The following PTPRD variants were observed in gnomAD, a reference collection of about 807,000 sequenced individuals.
PTPRD encodes protein tyrosine phosphatase receptor type D, also known as receptor-type tyrosine-protein phosphatase delta.
A neutral mutation model predicts 214.5 loss-of-function variants in PTPRD; 34 were observed. That is an observed-to-expected ratio of 0.16 (90% CI 0.12 to 0.21). PTPRD has a LOEUF of 0.21. Among genes scored for constraint, PTPRD ranks in the 10% least tolerant of loss-of-function variants. The pLI, the probability that PTPRD is intolerant of heterozygous loss-of-function variation, is 1.00. For synonymous variants in PTPRD, 1,128 were observed against 845.7 expected, an observed-to-expected ratio of 1.33 and a Z score of -5.79; for missense variants, 2,545 against 2,398.7, an observed-to-expected ratio of 1.06 and a Z score of -1.27.
intron 36 of PTPRD, among the ~76,000 whole-genome samples, chr9:8,399,696 T>C (rs530230218): frequency 6.6e-6 from 1 of 152,278 alleles, no homozygotes; most frequent in African/African-American, 2.4e-5. Flanking sequence ...AAAATGTGTA[T>C]TTGAAAATTC....
intron 4 of PTPRD, among the ~76,000 whole-genome samples, chr9:9,982,548 G>A (rs972296817): frequency 2.6e-5 from 4 of 150,956 alleles, no homozygotes; most frequent in Middle Eastern, 3.4e-3. Context: ...TCTTATTTAT[G>A]ATCACAGAAA....
In PTPRD at chr9:8,499,855, T is replaced by C. The variant is rs1165184778; in HGVS notation, c.2129-15A>G. On this transcript the variant is annotated splice_polypyrimidine_tract_variant and intron_variant, in intron 24 of 45. Coordinates refer to ENST00000381196, the MANE Select transcript of PTPRD (RefSeq NM_002839.4). ...ACCACTAGGAACTGGAACAACATCATTGGATAAAAGAAATTATAGGCACTT... is the reference window on the plus strand; with the variant it reads ...ACCACTAGGAACTGGAACAACATCACTGGATAAAAGAAATTATAGGCACTT... The C allele has an allele frequency of 7.5e-6, 12 of 1,592,008 alleles. No homozygotes were observed. The highest frequency in any genetic ancestry group is 2.3e-5 in the East Asian group (1 of 44,342).
At chr9:10,046,427 A>C (rs527590419) in intron 3 of PTPRD, among the ~76,000 whole-genome samples, 1 of 151,978 alleles carries the variant, frequency 6.6e-6, no homozygotes, top group African/African-American at 2.4e-5. Flanking sequence ...AAAAATATGG[A>C]CGTTTAAAAC....
At chr9:9,746,586 G>T (rs2098460404) in intron 6 of PTPRD, among the ~76,000 whole-genome samples, 1 of 152,130 alleles carries the variant, frequency 6.6e-6, no homozygotes, top group South Asian at 2.1e-4. Context: ...CACTAAATTG[G>T]CATAATTTAT....
intron 44 of PTPRD, among the ~76,000 whole-genome samples, chr9:8,322,954 A>G (rs1563906750): frequency 6.6e-6 from 1 of 152,174 alleles, no homozygotes; most frequent in Non-Finnish European, 1.5e-5. Context: ...TACACTAAAT[A>G]TACTCAAGTG....
chr9:8,773,065 C>T (rs1047522968), intron 11 of PTPRD, among the ~76,000 whole-genome samples: 1 of 152,116 alleles, frequency 6.6e-6, no homozygotes, highest in East Asian at 1.9e-4. Flanking sequence ...TACTGAATGG[C>T]CTATGAATTA....
At chr9:9,966,347 AT>A (rs2094699108) in intron 4 of PTPRD, among the ~76,000 whole-genome samples, 1 of 152,100 alleles carries the variant, frequency 6.6e-6, no homozygotes, top group Non-Finnish European at 1.5e-5. Flanking sequence ...CCTCGTGATT[AT>A]TTTTCTTTTT....
At chr9:10,608,120 T>C (rs1376403705) in intron 2 of PTPRD, among the ~76,000 whole-genome samples, 7 of 151,972 alleles carry the variant, frequency 4.6e-5, no homozygotes, top group Non-Finnish European at 1.0e-4. Flanking sequence ...TCTACATGTA[T>C]GTAAGGAATA....
At chr9:9,927,933 C>G (rs142117851) in intron 5 of PTPRD, among the ~76,000 whole-genome samples, 3 of 152,180 alleles carry the variant, frequency 2.0e-5, no homozygotes, top group African/African-American at 7.2e-5. Flanking sequence ...TCAGATTTTA[C>G]TACATATTGT....
intron 11 of PTPRD, among the ~76,000 whole-genome samples, chr9:8,984,048 T>C (rs180754767): frequency 1.3e-5 from 2 of 152,228 alleles, no homozygotes; most frequent in African/African-American, 4.8e-5. Flanking sequence ...GTATATTTAG[T>C]ATGTGTGTTT....
chr9:10,267,910 A>C (rs1199791451), intron 3 of PTPRD, among the ~76,000 whole-genome samples: 2 of 152,130 alleles, frequency 1.3e-5, no homozygotes, highest in African/African-American at 2.4e-5. Context: ...CACATATCTA[A>C]TGATCTTGTT....
intron 3 of PTPRD, among the ~76,000 whole-genome samples, chr9:10,074,965 C>T (rs556754847): frequency 6.6e-6 from 1 of 152,146 alleles, no homozygotes; most frequent in African/African-American, 2.4e-5. Flanking sequence ...TTTAGGTGTC[C>T]TTTCCTTTCA....
chr9:8,716,604 C>G (rs1003881130), intron 12 of PTPRD, among the ~76,000 whole-genome samples: 2 of 129,020 alleles, frequency 1.6e-5, no homozygotes, highest in East Asian at 1.9e-4. Flanking sequence ...GATGTACTTC[C>G]TTTAGCCTCA....
chr9:10,591,843 C>G (rs1369532681), intron 2 of PTPRD, among the ~76,000 whole-genome samples: 1 of 152,028 alleles, frequency 6.6e-6, no homozygotes, highest in Non-Finnish European at 1.5e-5. Flanking sequence ...ACAGGCAGCC[C>G]TAGCAAGCCC....
At chr9:8,558,660 C>A (rs1341426177) in intron 14 of PTPRD, among the ~76,000 whole-genome samples, 1 of 152,274 alleles carries the variant, frequency 6.6e-6, no homozygotes, top group Non-Finnish European at 1.5e-5. Flanking sequence ...GGCTATTGTA[C>A]AAACCGTTAT....
intron 8 of PTPRD, among the ~76,000 whole-genome samples, chr9:9,475,799 T>C (rs1025370116): frequency 2.0e-5 from 3 of 152,204 alleles, no homozygotes; most frequent in Middle Eastern, 3.2e-3. Context: ...TGTGTGTGAC[T>C]TGGCAATCTG....
At chr9:8,511,394 C>A (rs542707374) in intron 21 of PTPRD, among the ~76,000 whole-genome samples, 2 of 152,090 alleles carry the variant, frequency 1.3e-5, no homozygotes, top group East Asian at 1.9e-4. Context: ...ATATTTTATG[C>A]TCTTGTAATC....
intron 9 of PTPRD, among the ~76,000 whole-genome samples, chr9:9,282,213 T>A (rs538963368): frequency 5.3e-5 from 8 of 151,400 alleles, no homozygotes; most frequent in African/African-American, 1.9e-4. Flanking sequence ...ACCCATAGAA[T>A]GCAGACATCC....
At chr9:10,060,919 T>C (rs1173815615) in intron 3 of PTPRD, among the ~76,000 whole-genome samples, 3 of 104,060 alleles carry the variant, frequency 2.9e-5, no homozygotes, top group African/African-American at 2.9e-4. Flanking sequence ...TTTCTTTCTT[T>C]CTTTCTTTCT....
Sources: gnomAD v4.1 joint callset for allele counts (sites outside exome capture counted in the v4.1 genomes callset) on GRCh38, gnomAD v4.1.1 for gene constraint, MANE v1.5 for transcripts, NCBI Gene and HGNC (gene_info 2026-07-23, HGNC 2026-07-21) for gene names.